CADPS2: variants seen among roughly 807,000 people sequenced by gnomAD.
CADPS2 encodes the protein calcium-dependent secretion activator 2.
Under a neutral mutation model 172.5 loss-of-function variants are expected in CADPS2, and 93 were observed. That is an observed-to-expected ratio of 0.54 (90% CI 0.46 to 0.64). The LOEUF (loss-of-function observed/expected upper bound fraction) is 0.64, where lower values mean the gene tolerates loss of function less well. Ranked by LOEUF, CADPS2 falls within the 30% of genes least tolerant of loss-of-function variation. CADPS2 has a pLI of 0.00. For synonymous variants in CADPS2, 546 were observed against 555.2 expected (o/e 0.98, Z 0.23); for missense variants, 1,420 against 1,565.9 (o/e 0.91, Z 1.57).
intron 25 of CADPS2, among the ~76,000 whole-genome samples, chr7:122,375,591 A>C (rs996529216): frequency 4.6e-5 from 7 of 152,120 alleles, no homozygotes; most frequent in African/African-American, 1.7e-4. Flanking sequence ...ATGGATCAAC[A>C]AAACCATCAA....
At chr7:122,445,166 A>G (rs1186200568) in intron 15 of CADPS2, among the ~76,000 whole-genome samples, 3 of 152,194 alleles carry the variant, frequency 2.0e-5, no homozygotes, top group Admixed American at 6.5e-5. Flanking sequence ...TGTCCTTTTT[A>G]AAAGTTATTT....
At chr7:122,498,756 A>G (rs1163236183) in intron 9 of CADPS2, among the ~76,000 whole-genome samples, 1 of 151,842 alleles carries the variant, frequency 6.6e-6, no homozygotes, top group South Asian at 2.1e-4. Flanking sequence ...CTTTTTTGTT[A>G]TTGTTTTTTA....
intron 1 of CADPS2, among the ~76,000 whole-genome samples, chr7:122,802,621 T>A (rs1797900783): frequency 6.6e-6 from 1 of 152,194 alleles, no homozygotes; most frequent in Non-Finnish European, 1.5e-5. Context: ...AGCACTCCCA[T>A]CAGAACTATG....
intron 27 of CADPS2, among the ~76,000 whole-genome samples, chr7:122,350,045 A>T (rs1344366646): frequency 1.3e-5 from 2 of 152,174 alleles, no homozygotes; most frequent in African/African-American, 4.8e-5. Context: ...AGTGTAATTG[A>T]CTTAATTTGA....
intron 9 of CADPS2, among the ~76,000 whole-genome samples, chr7:122,511,876 T>C (rs909728960): frequency 1.3e-5 from 2 of 152,164 alleles, no homozygotes; most frequent in Non-Finnish European, 2.9e-5. Flanking sequence ...TTTTAATTCA[T>C]GCACCAATGT....
intron 6 of CADPS2, among the ~76,000 whole-genome samples, chr7:122,604,347 A>G (rs747012257): frequency 3.3e-5 from 5 of 152,120 alleles, no homozygotes; most frequent in Non-Finnish European, 5.9e-5. Context: ...ACTCTCAAGT[A>G]GTTATTAATG....
chr7:122,447,408 A>G (rs2052398959), intron 15 of CADPS2, among the ~76,000 whole-genome samples: 1 of 151,886 alleles, frequency 6.6e-6, no homozygotes, highest in Non-Finnish European at 1.5e-5. Flanking sequence ...AATTTAATCT[A>G]CGTTGAAGCA....
intron 7 of CADPS2, among the ~76,000 whole-genome samples, chr7:122,560,556 C>T (rs1308263590): frequency 6.6e-6 from 1 of 152,098 alleles, no homozygotes; most frequent in Non-Finnish European, 1.5e-5. Flanking sequence ...GAAGAAGGAA[C>T]TAAAAACACA....
intron 1 of CADPS2, among the ~76,000 whole-genome samples, chr7:122,867,416 G>C (rs1442274675): frequency 1.3e-5 from 2 of 152,122 alleles, no homozygotes; most frequent in Admixed American, 1.3e-4. Context: ...AGAAAAAGCT[G>C]AGATATACTT....
At chr7:122,391,082 C>A (rs1302272628) in intron 22 of CADPS2, among the ~76,000 whole-genome samples, 2 of 151,996 alleles carry the variant, frequency 1.3e-5, no homozygotes, top group Non-Finnish European at 1.5e-5. Flanking sequence ...ATTTTTAATT[C>A]TTTATGTTAA....
Position 122,609,333 on chromosome 7 carries a change from A to T in CADPS2, c.1223+5848T>A, listed in dbSNP as rs569406392. 3.3e-5 allele frequency among the ~76,000 whole-genome samples: 5 copies of T among 152,278 alleles called. No homozygotes were observed. In the South Asian group the frequency reaches 1.0e-3, roughly 32 times the overall value. On this transcript the variant is annotated intron_variant, in intron 6 of 29. Transcript: ENST00000449022. The stretch of plus-strand genomic sequence containing the variant: ...CCATTTCCTTTTCAGTGGTATCATT[A>T]AGGGTATGCACTAACATTAAAATAA...
At chr7:122,425,425 C>CA (rs71159797) in intron 17 of CADPS2, among the ~76,000 whole-genome samples, 1,115 of 72,626 alleles carry the variant, frequency 0.015, 15 homozygotes, top group East Asian at 0.026. Flanking sequence ...CTATCTCTAC[C>CA]AAAAAAAAAA....
At chr7:122,394,492 T>C (rs2044795354) in intron 20 of CADPS2, among the ~76,000 whole-genome samples, 1 of 152,216 alleles carries the variant, frequency 6.6e-6, no homozygotes, top group Non-Finnish European at 1.5e-5. Flanking sequence ...AGCCCCATTG[T>C]GGCCCTCAAA....
chr7:122,804,698 G>A (rs1291247571), intron 1 of CADPS2, among the ~76,000 whole-genome samples: 1 of 152,148 alleles, frequency 6.6e-6, no homozygotes, highest in African/African-American at 2.4e-5. Flanking sequence ...GCATCATAAA[G>A]GGTCAGTGTT....
intron 1 of CADPS2, among the ~76,000 whole-genome samples, chr7:122,877,028 A>G (rs1821392165): frequency 6.6e-6 from 1 of 152,180 alleles, no homozygotes; most frequent in Non-Finnish European, 1.5e-5. Flanking sequence ...TGTAAAAATT[A>G]AAAGTACAGG....
chr7:122,698,071 A>G, intron 2 of CADPS2: 3 of 1,614,076 alleles, frequency 1.9e-6, no homozygotes, highest in South Asian at 1.1e-5. Context: ...CCAGGGGTCA[A>G]TGCAATTCTT....
chr7:122,788,020 G>C (rs1052441730), intron 1 of CADPS2, among the ~76,000 whole-genome samples: 2 of 152,138 alleles, frequency 1.3e-5, no homozygotes. Context: ...CCCCCTGTGA[G>C]AATAAGAGCA....
chr7:122,387,305 T>G (rs1404005455), intron 23 of CADPS2, 132 bp from the exon 24 acceptor site: 1 of 843,212 alleles, frequency 1.2e-6, no homozygotes, highest in Non-Finnish European at 1.8e-6. Flanking sequence ...GTGGCAGTGC[T>G]TGGGAGCTAA....
chr7:122,761,602 C>G (rs925731367), intron 1 of CADPS2, among the ~76,000 whole-genome samples: 2 of 152,002 alleles, frequency 1.3e-5, no homozygotes, highest in African/African-American at 2.4e-5. Flanking sequence ...AAAACCACCA[C>G]CCTATTCTTA....
Sources: gnomAD v4.1 joint callset for allele counts (sites outside exome capture counted in the v4.1 genomes callset) on GRCh38, gnomAD v4.1.1 for gene constraint, MANE v1.5 for transcripts, NCBI Gene and HGNC (gene_info 2026-07-23, HGNC 2026-07-21) for gene names.